Variants in TRADD observed in about 807,000 individuals in gnomAD.
TRADD encodes tumor necrosis factor receptor type 1-associated DEATH domain protein.
In TRADD, 14 loss-of-function variants were observed where a neutral mutation model predicts 31.5. The ratio of observed to expected loss-of-function variants is 0.44; its 90% CI spans 0.29 to 0.69. The LOEUF (loss-of-function observed/expected upper bound fraction) is 0.69, where lower values mean the gene tolerates loss of function less well. Among genes scored for constraint, TRADD ranks in the 30% least tolerant of loss-of-function variants. TRADD has a pLI of 0.11. For missense variants in TRADD, 388 were observed against 435.7 expected (o/e 0.89, Z 0.97); for synonymous variants, 220 against 215.8 (o/e 1.02, Z -0.17).
Position 67,156,717 on chromosome 16 carries a change from C to T in TRADD, c.-8-49G>A, listed in dbSNP as rs2030714120. On this transcript the variant is annotated intron_variant, in intron 1 of 4. Transcript: ENST00000345057. The surrounding 1 kb of genome is among the most constrained non-coding windows in gnomAD (Gnocchi z 4.6). ...TCCAGTTCATCCCCCCTCCCTCCAC[C>T]CTGGAGACAACTACCCAGCCCCACG... 6.2e-7 allele frequency: 1 copy of T among 1,608,860 alleles called. No individual in the cohort carries two copies. Among genetic ancestry groups the T allele is most frequent in the Non-Finnish European group, 8.5e-7 (1 of 1,179,670 alleles).
rs778716641 is a variant in TRADD at position 67,156,697 on chromosome 16, T to C, written c.-8-29A>G. 3.5e-5 allele frequency: 56 copies of C among 1,612,120 alleles called. No homozygotes were observed. The highest frequency in any genetic ancestry group is 1.6e-4 in the Middle Eastern group (1 of 6,084). ...GAGATGCAGACAGTCAGGTATCCAGTTCATCCCCCCTCCCTCCACCCTGGA... is the reference window on the plus strand; with the variant it reads ...GAGATGCAGACAGTCAGGTATCCAGCTCATCCCCCCTCCCTCCACCCTGGA... On this transcript the variant is annotated intron_variant, in intron 1 of 4. Coordinates refer to ENST00000345057, the MANE Select transcript of TRADD (RefSeq NM_003789.4). The surrounding 1 kb of genome is among the most constrained non-coding windows in gnomAD (Gnocchi z 4.6).
Position 67,155,385 on chromosome 16 carries a change from C to G in TRADD, c.421G>C (p.Ala141Pro). Residue 141 changes from alanine to proline, a missense_variant, in exon 3 of 5, where the codon GCC (alanine) becomes CCC (proline). Transcript: ENST00000345057. ...CCCTAGCCCGGCCGCACCTGCTGGGCTAGGATGCAACTCAAACAGCGCTCC... is the reference window on the plus strand; with the variant it reads ...CCCTAGCCCGGCCGCACCTGCTGGGGTAGGATGCAACTCAAACAGCGCTCC... ...DEERCLSCILAQQPDRLRDEE... is the reference protein window; with the variant it reads ...DEERCLSCILPQQPDRLRDEE... The G allele has an allele frequency of 6.2e-7, 1 of 1,600,038 alleles. No homozygotes were observed. Among genetic ancestry groups the G allele is most frequent in the Non-Finnish European group, 8.5e-7 (1 of 1,179,762 alleles).
At chr16:67,157,061 T>C (rs1181106392) in intron 1 of TRADD, among the ~76,000 whole-genome samples, 2 of 152,194 alleles carry the variant, frequency 1.3e-5, no homozygotes, top group Non-Finnish European at 2.9e-5. Context: ...ATGGTGCCCA[T>C]GCCCCAAAGC....
In TRADD at chr16:67,155,142, C is replaced by T; in HGVS notation, c.582G>A (p.Pro194=). 1 of 1,547,164 alleles carries T rather than the reference C, an allele frequency of 6.5e-7. No homozygotes were observed. The change falls in exon 4 of 5, where the codon CCG becomes CCA. Residue 194 remains proline, a synonymous_variant. Transcript: ENST00000345057. ...GAAAAGTCTGGGCAGGTGGCGGCGGCGGCGGCGGCTTCACCTCCGACAGAG... is the reference window on the plus strand; with the variant it reads ...GAAAAGTCTGGGCAGGTGGCGGCGGTGGCGGCGGCTTCACCTCCGACAGAG... The part of the protein sequence containing the change: ...VPSLSEVKPP[P]PPPPAQTFLF...
chr16:67,157,631 TA>T (rs2145909341), intron 1 of TRADD, among the ~76,000 whole-genome samples: 1 of 152,320 alleles, frequency 6.6e-6, no homozygotes, highest in East Asian at 1.9e-4. Flanking sequence ...TTATGTGAGC[TA>T]AATAATTCCT....
chr16:67,157,384 T>C (rs1158194489), intron 1 of TRADD, among the ~76,000 whole-genome samples: 1 of 152,142 alleles, frequency 6.6e-6, no homozygotes, highest in Non-Finnish European at 1.5e-5. Flanking sequence ...GTTGGACCCA[T>C]GAGAATCAAC....
In TRADD at chr16:67,154,538, G is replaced by A; in HGVS notation, c.*111C>T. On this transcript the variant is annotated 3_prime_UTR_variant, in exon 5 of 5. Coordinates refer to ENST00000345057, the MANE Select transcript of TRADD (RefSeq NM_003789.4). This position sits in a 1 kb window ranked among gnomAD's most constrained non-coding sequence, Gnocchi z 5.2. ...CAACTCTGCCCCAGCAGGTCCAGCAGATAGGCCAAGTGGAGTTTCAGGGTC... is the reference window on the plus strand; with the variant it reads ...CAACTCTGCCCCAGCAGGTCCAGCAAATAGGCCAAGTGGAGTTTCAGGGTC... 7.3e-7 allele frequency: 1 copy of A among 1,366,782 alleles called. No homozygotes were observed. The highest frequency in any genetic ancestry group is 1.0e-6 in the Non-Finnish European group (1 of 994,670). The allele number at this position is 1,366,782 out of a possible 1,614,324, so 84.7% of individuals were successfully genotyped here.
chr16:67,154,920 G>A lies in TRADD; in HGVS notation c.668C>T (p.Ala223Val), dbSNP rs2030608236. The A allele has an allele frequency of 1.2e-6, 2 of 1,608,822 alleles. No homozygotes were observed. Among genetic ancestry groups the A allele is most frequent in the Non-Finnish European group, 8.5e-7 (1 of 1,178,152 alleles). The change falls in exon 5 of 5, where the codon GCG becomes GTG. Residue 223 changes from alanine to valine, a missense_variant. By Grantham distance (64) the Ala-to-Val change is moderately conservative. Coordinates refer to ENST00000345057, the MANE Select transcript of TRADD (RefSeq NM_003789.4). The surrounding 1 kb of genome is among the most constrained non-coding windows in gnomAD (Gnocchi z 5.2). ...GCGCCATTTGAGACCCACAGAGCGC[G>A]CGAACGTCTGTTGGTCCTTCAGGCT... ...PLSLKDQQTF[A>V]RSVGLKWRKV...
chr16:67,157,909 C>G (rs1193022855), intron 1 of TRADD, among the ~76,000 whole-genome samples: 5 of 152,210 alleles, frequency 3.3e-5, no homozygotes, highest in Admixed American at 2.0e-4. Flanking sequence ...CCCACCTCAC[C>G]CTTTTCCTAC....
chr16:67,158,233 G>A (rs903106386), intron 1 of TRADD, among the ~76,000 whole-genome samples: 1 of 152,164 alleles, frequency 6.6e-6, no homozygotes, highest in Non-Finnish European at 1.5e-5. Context: ...TGGCACTATC[G>A]CAGCTCACTG....
At chr16:67,158,325 C>T (rs1337874372) in intron 1 of TRADD, among the ~76,000 whole-genome samples, 1 of 152,232 alleles carries the variant, frequency 6.6e-6, no homozygotes, top group East Asian at 1.9e-4. Context: ...GCCGCCATGC[C>T]TGGCTAGTTT....
chr16:67,157,341 A>C (rs2030734223), intron 1 of TRADD, among the ~76,000 whole-genome samples: 2 of 152,172 alleles, frequency 1.3e-5, no homozygotes, highest in Non-Finnish European at 2.9e-5. Flanking sequence ...ACATTTCTGC[A>C]GTGATTAGTT....
At chr16:67,157,987 C>CTCCAG (rs11282585) in intron 1 of TRADD, among the ~76,000 whole-genome samples, 33,528 of 151,858 alleles carry the variant, frequency 0.22, 7,465 homozygotes, top group African/African-American at 0.58. Context: ...CTCCTGTACT[C>CTCCAG]TCATCAGGGT....
Position 67,154,259 on chromosome 16 carries a change from G to C in TRADD, c.*390C>G, listed in dbSNP as rs2030567137. ...CGGGGTCCCACGCTGAGTGTGAGCT[G>C]GGGGCAGGCAAGATTGATTCCTGTT... On this transcript the variant is annotated 3_prime_UTR_variant, in exon 5 of 5. Transcript: ENST00000345057. This position sits in a 1 kb window ranked among gnomAD's most constrained non-coding sequence, Gnocchi z 5.2. 1 of 323,322 alleles carries C rather than the reference G, an allele frequency of 3.1e-6. No homozygotes were observed. The allele number at this position is 323,322 out of a possible 1,614,324, so 20.0% of individuals were successfully genotyped here. A position where few individuals can be genotyped will look rare whatever the true frequency, so the allele number is the denominator to read the frequency against.
rs892384423 is a variant in TRADD, at chr16:67,154,435, C to T, written c.*214G>A. On this transcript the variant is annotated 3_prime_UTR_variant, in exon 5 of 5. Coordinates refer to ENST00000345057, the MANE Select transcript of TRADD (RefSeq NM_003789.4). The surrounding 1 kb of genome is among the most constrained non-coding windows in gnomAD (Gnocchi z 5.2). ...TGATCTCCAAAGCAGGTCCCCCCCA[C>T]CCCACACTCTATCAAAGTACCTGAG... The T allele has an allele frequency of 3.1e-6, 2 of 637,408 alleles. No individual in the cohort carries two copies. The highest frequency in any genetic ancestry group is 5.5e-6 in the Non-Finnish European group (2 of 366,738). 39.5% of individuals were successfully genotyped at this position (637,408 alleles called of 1,614,324 possible). A position where few individuals can be genotyped will look rare whatever the true frequency, so the allele number is the denominator to read the frequency against.
rs964098392 is a variant in TRADD, at chr16:67,154,279, C to G, written c.*370G>C. 3.0e-5 allele frequency: 11 copies of G among 361,884 alleles called. No homozygotes were observed. The highest frequency in any genetic ancestry group is 1.9e-4 in the African/African-American group (9 of 48,526). The allele number at this position is 361,884 out of a possible 1,614,324, so 22.4% of individuals were successfully genotyped here. The stretch of plus-strand genomic sequence containing the variant: ...GAGCTGGGGGCAGGCAAGATTGATT[C>G]CTGTTTTACTTCACTGCAGTATCTG... On this transcript the variant is annotated 3_prime_UTR_variant, in exon 5 of 5. Transcript: ENST00000345057. This position sits in a 1 kb window ranked among gnomAD's most constrained non-coding sequence, Gnocchi z 5.2.
rs534754227 is a variant in TRADD, at chr16:67,159,445, C to G, written c.-9+393G>C. Among the ~76,000 whole-genome samples the G allele has an allele frequency of 7.9e-5, 12 of 152,346 alleles. No homozygotes were observed. The highest frequency in any genetic ancestry group is 2.2e-4 in the African/African-American group (9 of 41,586). On this transcript the variant is annotated intron_variant, in intron 1 of 4. Coordinates refer to ENST00000345057, the MANE Select transcript of TRADD (RefSeq NM_003789.4). This position sits in a 1 kb window ranked among gnomAD's most constrained non-coding sequence, Gnocchi z 6.8. ...TGCGACCCGCCGGGCACACCCCCTA[C>G]TCAGCTACGCAGCTCCCGAGCGCTT...
Position 67,156,703 on chromosome 16 carries a change from C to A in TRADD, c.-8-35G>T. On this transcript the variant is annotated intron_variant, in intron 1 of 4. Coordinates refer to ENST00000345057, the MANE Select transcript of TRADD (RefSeq NM_003789.4). This position sits in a 1 kb window ranked among gnomAD's most constrained non-coding sequence, Gnocchi z 4.6. ...CAGACAGTCAGGTATCCAGTTCATC[C>A]CCCCTCCCTCCACCCTGGAGACAAC... 6.2e-7 allele frequency: 1 copy of A among 1,611,240 alleles called. No individual in the cohort carries two copies. The highest frequency in any genetic ancestry group is 8.5e-7 in the Non-Finnish European group (1 of 1,179,960).
In TRADD at chr16:67,156,738, C is replaced by G; in HGVS notation, c.-8-70G>C. ...CCACCCTGGAGACAACTACCCAGCC[C>G]CACGTGGTTCAGCTGTCCCCACCAC... On this transcript the variant is annotated intron_variant, in intron 1 of 4. Coordinates refer to ENST00000345057, the MANE Select transcript of TRADD (RefSeq NM_003789.4). The surrounding 1 kb of genome is among the most constrained non-coding windows in gnomAD (Gnocchi z 4.6). The G allele has an allele frequency of 1.3e-6, 2 of 1,599,244 alleles. No individual in the cohort carries two copies. The highest frequency in any genetic ancestry group is 1.7e-6 in the Non-Finnish European group (2 of 1,174,602).
Sources: allele counts gnomAD v4.1 joint callset (sites outside exome capture counted in the v4.1 genomes callset), GRCh38; gene constraint gnomAD v4.1.1; non-coding constraint Gnocchi (gnomAD v3.1); transcripts MANE v1.5; gene names NCBI Gene and HGNC (gene_info 2026-07-23, HGNC 2026-07-21).